The following ITCH variants were observed in gnomAD, a reference collection of about 807,000 sequenced individuals.
ITCH encodes E3 ubiquitin-protein ligase Itchy homolog.
A neutral mutation model predicts 126.8 loss-of-function variants in ITCH; 28 were observed. That is an observed-to-expected ratio of 0.22 (90% confidence interval 0.16 to 0.30). The LOEUF (loss-of-function observed/expected upper bound fraction) is 0.30, where lower values mean the gene tolerates loss of function less well. Among genes scored for constraint, ITCH ranks in the 10% least tolerant of loss-of-function variants. The probability of loss-of-function intolerance (pLI) is 1.00; values close to 1 mark genes in which losing one functional copy is unlikely to be tolerated. For synonymous variants in ITCH, 342 were observed against 340.0 expected (o/e 1.01, Z -0.06); for missense variants, 631 against 1,032.4 (o/e 0.61, Z 5.33).
At chr20:34,442,342 C>T (rs983502698) in intron 10 of ITCH, 39 bp downstream of exon 10, 7 of 1,401,686 alleles carry the variant, frequency 5.0e-6, no homozygotes, top group Non-Finnish European at 7.1e-6. Context: ...TTTATTTAGT[C>T]AGAATTGTGG....
At chr20:34,507,290 G>GTTTTTTTTTTTTTTTTTTTTTTTTGTT (rs372382674) in intron 24 of ITCH, among the ~76,000 whole-genome samples, 1 of 70,006 alleles carries the variant, frequency 1.4e-5, no homozygotes, top group Non-Finnish European at 2.7e-5. Flanking sequence ...TTTTTTTTTT[G>GTTTTTTTTTTTTTTTTTTTTTTTTGTT]GTTGTTGTTG....
At chr20:34,452,675 TG>T (rs1005145274) in intron 12 of ITCH, among the ~76,000 whole-genome samples, 4 of 152,132 alleles carry the variant, frequency 2.6e-5, no homozygotes, top group Non-Finnish European at 4.4e-5. Context: ...AGTGAATAAT[TG>T]GTTTTTTAGA....
Position 34,457,477 on chromosome 20 carries a change from A to G in ITCH, c.1295+3A>G, listed in dbSNP as rs755345195. 2.3e-5 allele frequency: 36 copies of G among 1,572,858 alleles called. No individual in the cohort carries two copies. The highest frequency in any genetic ancestry group is 3.5e-6 in the Non-Finnish European group (4 of 1,143,140). On this transcript the variant is annotated splice_donor_region_variant and intron_variant, in intron 13 of 24. Coordinates refer to ENST00000374864, the MANE Select transcript of ITCH (RefSeq NM_031483.7). The stretch of plus-strand genomic sequence containing the variant: ...TGGGAAGACCCCAGAAGTCAAGGGT[A>G]AGAATAGTTACTTGTGTATATTTAA...
chr20:34,430,824 A>C (rs886983198), intron 7 of ITCH, among the ~76,000 whole-genome samples: 5 of 152,206 alleles, frequency 3.3e-5, no homozygotes, highest in Non-Finnish European at 5.9e-5. Flanking sequence ...CTGTAGGAAA[A>C]AATATTTTGA....
chr20:34,370,287 C>G (rs948833969), intron 2 of ITCH, among the ~76,000 whole-genome samples: 1 of 152,070 alleles, frequency 6.6e-6, no homozygotes, highest in African/African-American at 2.4e-5. Context: ...ATTCCTGTCT[C>G]CATCCCTGGC....
intron 12 of ITCH, among the ~76,000 whole-genome samples, chr20:34,450,768 T>G (rs535791110): frequency 2.0e-5 from 3 of 152,288 alleles, no homozygotes; most frequent in African/African-American, 7.2e-5. Context: ...CAAGATACAT[T>G]GTTCTAGCAG....
Position 34,442,364 on chromosome 20 carries a change from AT to A in ITCH, c.965+62del. On this transcript the variant is annotated intron_variant, in intron 10 of 24. Coordinates refer to ENST00000374864, the MANE Select transcript of ITCH (RefSeq NM_031483.7). ...AGTCAGAATTGTGGATTACAACTGT[AT>A]AATCTTCCCTACATTTCTGTTTTAC... The A allele has an allele frequency of 3.4e-6, 4 of 1,166,734 alleles. No homozygotes were observed. The South Asian group carries it at 5.0e-5, about 15-fold the overall frequency. 72.3% of individuals were successfully genotyped at this position (1,166,734 alleles called of 1,614,324 possible). A position where few individuals can be genotyped will look rare whatever the true frequency, so the allele number is the denominator to read the frequency against.
chr20:34,367,998 C>T (rs545063286), intron 1 of ITCH, among the ~76,000 whole-genome samples: 1 of 152,128 alleles, frequency 6.6e-6, no homozygotes, highest in Non-Finnish European at 1.5e-5. Context: ...GGGCCGGGCG[C>T]GGTGGCTCAT....
chr20:34,440,021 A>G, intron 8 of ITCH, 134 bp from the exon 9 acceptor site: 1 of 668,038 alleles, frequency 1.5e-6, no homozygotes, highest in Non-Finnish European at 2.6e-6. Flanking sequence ...TATTTCTTTA[A>G]GTAATTTTCA....
intron 2 of ITCH, 21 bp from the exon 3 acceptor site, chr20:34,393,770 T>G: frequency 7.2e-7 from 1 of 1,380,326 alleles, no homozygotes; most frequent in East Asian, 2.3e-5. Context: ...ATGTTTACAG[T>G]GTCTCCTTTG....
chr20:34,408,551 T>G, intron 3 of ITCH, 100 bp from the exon 4 acceptor site: 1 of 1,122,556 alleles, frequency 8.9e-7, no homozygotes, highest in Non-Finnish European at 1.3e-6. Context: ...ACTGCTTCTC[T>G]GAGTAAATTT....
At position 34,472,708 on chromosome 20, in the gene ITCH, C is replaced by T. The variant is rs139759746; in HGVS notation, c.1569+1193C>T. 3.3e-5 allele frequency among the ~76,000 whole-genome samples: 5 copies of T among 152,238 alleles called. No individual in the cohort carries two copies. The East Asian group carries it at 5.8e-4, about 18-fold the overall frequency. ...CAGTTTTTTTCATTTCCTAATGGAA[C>T]GTCAGTTATTGACATTAAAGGAAAA... is the stretch of plus-strand genomic sequence containing the variant. On this transcript the variant is annotated intron_variant, in intron 16 of 24. Coordinates refer to ENST00000374864, the MANE Select transcript of ITCH (RefSeq NM_031483.7).
intron 1 of ITCH, among the ~76,000 whole-genome samples, chr20:34,364,724 C>CAAAAGAAAAAA (rs2037345232): frequency 2.2e-5 from 1 of 45,578 alleles, no homozygotes; most frequent in Non-Finnish European, 3.6e-5. Context: ...ACTAAAAATA[C>CAAAAGAAAAAA]AAAAAAAAAA....
chr20:34,413,831 C>G lies in ITCH; in HGVS notation c.427C>G (p.Gln143Glu). The change falls in exon 6 of 25, where the codon CAG becomes GAG. Residue 143 changes from glutamine to glutamate, a missense_variant. Coordinates refer to ENST00000374864, the MANE Select transcript of ITCH (RefSeq NM_031483.7). The part of the protein sequence containing the change: ...GDLSICLDGL[Q>E]LESEVVTNGE... ...CTTGTCAATTTGTCTTGATGGGCTA[C>G]AGTTAGAGTCTGAAGTTGTTACCAA... 1 of 1,613,590 alleles carries G rather than the reference C, an allele frequency of 6.2e-7. No individual in the cohort carries two copies. Among genetic ancestry groups the G allele is most frequent in the South Asian group, 1.1e-5 (1 of 91,082 alleles).
intron 7 of ITCH, among the ~76,000 whole-genome samples, chr20:34,437,608 C>G (rs1983190378): frequency 6.6e-6 from 1 of 152,202 alleles, no homozygotes; most frequent in Non-Finnish European, 1.5e-5. Context: ...CACCCGGCCT[C>G]TGTTAGTTGA....
chr20:34,429,159 G>A (rs1178555357), intron 7 of ITCH, among the ~76,000 whole-genome samples: 1 of 151,982 alleles, frequency 6.6e-6, no homozygotes, highest in African/African-American at 2.4e-5. Flanking sequence ...GGTTGGTCTC[G>A]AACTTCTGAC....
chr20:34,415,293 C>G (rs1601845011), intron 6 of ITCH, among the ~76,000 whole-genome samples: 2 of 152,160 alleles, frequency 1.3e-5, no homozygotes, highest in African/African-American at 4.8e-5. Flanking sequence ...CACAGTGGCT[C>G]ACACCCCTTG....
intron 3 of ITCH, among the ~76,000 whole-genome samples, chr20:34,397,644 T>A (rs754942795): frequency 5.9e-5 from 9 of 152,210 alleles, no homozygotes; most frequent in Non-Finnish European, 2.9e-5. Context: ...CGGATTTCCT[T>A]CACTAACTCT....
At chr20:34,438,801 A>G (rs1244251130) in intron 8 of ITCH, among the ~76,000 whole-genome samples, 170 bp downstream of exon 8, 1 of 152,168 alleles carries the variant, frequency 6.6e-6, no homozygotes, top group Non-Finnish European at 1.5e-5. Flanking sequence ...CTTTTTCCTA[A>G]GTTTTTGTTC....
Sources: allele counts gnomAD v4.1 joint callset (sites outside exome capture counted in the v4.1 genomes callset), GRCh38; gene constraint gnomAD v4.1.1; transcripts MANE v1.5; gene names NCBI Gene and HGNC (gene_info 2026-07-23, HGNC 2026-07-21).